The following CAMTA1 variants were observed in gnomAD, a reference collection of about 807,000 sequenced individuals.
CAMTA1 encodes calmodulin binding transcription activator 1.
CAMTA1 carries 27 observed loss-of-function variants against 170.9 expected under a neutral mutation model. The ratio of observed to expected loss-of-function variants is 0.16; its 90% CI spans 0.12 to 0.22. CAMTA1 has a LOEUF of 0.22. CAMTA1 is among the 10% of genes least tolerant of loss of function. CAMTA1 has a pLI of 1.00. For missense variants in CAMTA1, 1,619 were observed against 2,217.2 expected, an observed-to-expected ratio of 0.73 and a Z score of 5.42; for synonymous variants, 833 against 891.5, an observed-to-expected ratio of 0.93 and a Z score of 1.17.
chr1:7,008,176 T>C (rs767923879), intron 3 of CAMTA1, among the ~76,000 whole-genome samples: 1 of 152,104 alleles, frequency 6.6e-6, no homozygotes, highest in Non-Finnish European at 1.5e-5. Context: ...TCAGGTGGAC[T>C]CAGAGGAGGT....
At chr1:7,025,387 G>T (rs1350621758) in intron 3 of CAMTA1, among the ~76,000 whole-genome samples, 3 of 152,340 alleles carry the variant, frequency 2.0e-5, no homozygotes, top group African/African-American at 7.2e-5. Flanking sequence ...AATGGCTGGG[G>T]TTTCTCAGAT....
chr1:7,031,743 G>GT (rs1553224296), intron 3 of CAMTA1, among the ~76,000 whole-genome samples: 2 of 151,848 alleles, frequency 1.3e-5, no homozygotes, highest in Non-Finnish European at 2.9e-5. Flanking sequence ...GGGTTTCACT[G>GT]TGTTAGCCAG....
chr1:7,070,441 A>G (rs1638485933), intron 3 of CAMTA1, among the ~76,000 whole-genome samples: 1 of 152,180 alleles, frequency 6.6e-6, no homozygotes, highest in African/African-American at 2.4e-5. Flanking sequence ...TGGGCGTGAT[A>G]CTGGTGGTCG....
Position 7,552,118 on chromosome 1 carries a change from C to G in CAMTA1, c.510+84217C>G, listed in dbSNP as rs529605416. 2.0e-5 allele frequency among the ~76,000 whole-genome samples: 3 copies of G among 152,290 alleles called. 1 individual carries two copies. Among genetic ancestry groups the G allele is most frequent in the South Asian group, 4.1e-4 (2 of 4,828 alleles). On this transcript the variant is annotated intron_variant, in intron 6 of 22. Coordinates refer to ENST00000303635, the MANE Select transcript of CAMTA1 (RefSeq NM_015215.4). ...AACCCCAGTCTGACCCCAAGGGGCA[C>G]CAGCCTCCTCCTTTGACAGAGCAAG...
intron 1 of CAMTA1, among the ~76,000 whole-genome samples, chr1:6,804,668 T>C (rs1644303401): frequency 6.6e-6 from 1 of 152,208 alleles, no homozygotes; most frequent in South Asian, 2.1e-4. Flanking sequence ...GGTTTTTATC[T>C]ATGTTGTATG....
intron 4 of CAMTA1, among the ~76,000 whole-genome samples, chr1:7,170,621 A>G (rs544272318): frequency 4.1e-4 from 63 of 152,264 alleles, no homozygotes; most frequent in African/African-American, 1.4e-3. Context: ...AGCTTCATCC[A>G]TGTCCCTGGA....
chr1:7,026,326 C>T (rs936731780), intron 3 of CAMTA1, among the ~76,000 whole-genome samples: 4 of 151,976 alleles, frequency 2.6e-5, no homozygotes, highest in Non-Finnish European at 5.9e-5. Flanking sequence ...ATTCTGACTT[C>T]ATCATGATAT....
chr1:7,076,334 CATT>C (rs1639301865), intron 3 of CAMTA1, among the ~76,000 whole-genome samples: 2 of 152,228 alleles, frequency 1.3e-5, no homozygotes, highest in East Asian at 3.8e-4. Context: ...ATGGCTTTGA[CATT>C]ATTGCATCGC....
At chr1:7,449,482 G>A (rs1399501440) in intron 5 of CAMTA1, among the ~76,000 whole-genome samples, 1 of 152,144 alleles carries the variant, frequency 6.6e-6, no homozygotes, top group Admixed American at 6.6e-5. Flanking sequence ...TAGAAGATAG[G>A]AATGAGGGCC....
chr1:7,491,475 C>T (rs1450806944), intron 6 of CAMTA1, among the ~76,000 whole-genome samples: 3 of 152,180 alleles, frequency 2.0e-5, no homozygotes, highest in Admixed American at 1.3e-4. Flanking sequence ...GAATGTTCTG[C>T]GTGTACTGCC....
chr1:6,830,292 C>T (rs1227475587), intron 3 of CAMTA1, among the ~76,000 whole-genome samples: 1 of 151,182 alleles, frequency 6.6e-6, no homozygotes, highest in Middle Eastern at 3.2e-3. Context: ...GATCCGCCCG[C>T]CTTGGTGTCC....
intron 6 of CAMTA1, among the ~76,000 whole-genome samples, chr1:7,501,344 C>T (rs1405436564): frequency 1.3e-5 from 2 of 152,182 alleles, no homozygotes; most frequent in African/African-American, 4.8e-5. Context: ...TGAGAACGGC[C>T]TTTGTTCCCG....
intron 11 of CAMTA1, among the ~76,000 whole-genome samples, chr1:7,704,637 C>G (rs1195026055): frequency 6.7e-6 from 1 of 148,902 alleles, no homozygotes; most frequent in Non-Finnish European, 1.5e-5. Context: ...CCGATTGGAC[C>G]ACGCGGCCTG....
At position 7,734,655 on chromosome 1, in the gene CAMTA1, G is replaced by A. The variant is rs567461073; in HGVS notation, c.3067-1689G>A. On this transcript the variant is annotated intron_variant, in intron 12 of 22. Coordinates refer to ENST00000303635, the MANE Select transcript of CAMTA1 (RefSeq NM_015215.4). ...GCCTTTTGAGTCAAGGTCAGTTTGCGGCATGTTGGGATCACCTAACTCTGC... is the reference window on the plus strand; with the variant it reads ...GCCTTTTGAGTCAAGGTCAGTTTGCAGCATGTTGGGATCACCTAACTCTGC... 3.9e-5 allele frequency among the ~76,000 whole-genome samples: 6 copies of A among 152,244 alleles called. No homozygotes were observed. In the East Asian group the frequency reaches 9.6e-4, roughly 24 times the overall value.
At chr1:7,126,926 A>G (rs898693707) in intron 4 of CAMTA1, among the ~76,000 whole-genome samples, 10 of 152,088 alleles carry the variant, frequency 6.6e-5, no homozygotes, top group Non-Finnish European at 2.9e-5. Flanking sequence ...GCCCGCCACC[A>G]TGCCCAGCTA....
chr1:7,600,681 A>G (rs1173115445), intron 6 of CAMTA1, among the ~76,000 whole-genome samples: 1 of 151,170 alleles, frequency 6.6e-6, no homozygotes, highest in Non-Finnish European at 1.5e-5. Context: ...AGTGGTGATG[A>G]CTCTTAACAA....
intron 3 of CAMTA1, among the ~76,000 whole-genome samples, chr1:6,940,975 T>C (rs1310511830): frequency 5.5e-4 from 1 of 1,806 alleles, no homozygotes; most frequent in Non-Finnish European, 1.2e-3. Context: ...GGTGGGGGGA[T>C]CCTTGCAGGC....
At position 7,010,170 on chromosome 1, in the gene CAMTA1, C is replaced by T. The variant is rs761317464; in HGVS notation, c.235-81134C>T. Among the ~76,000 whole-genome samples, 15 of 152,172 alleles carry T rather than the reference C, an allele frequency of 9.9e-5. No homozygotes were observed. The highest frequency in any genetic ancestry group is 1.8e-4 in the Non-Finnish European group (12 of 68,020). On this transcript the variant is annotated intron_variant, in intron 3 of 22. Transcript: ENST00000303635. The surrounding 1 kb of genome is among the most constrained non-coding windows in gnomAD (Gnocchi z 4.4). The stretch of plus-strand genomic sequence containing the variant: ...AACCATGGCCTGCAGGACACTGCTG[C>T]GAGGAGGGCTTCCTGGAGCTTGGGG...
chr1:6,989,938 G>C (rs1002076783), intron 3 of CAMTA1, among the ~76,000 whole-genome samples: 3 of 152,190 alleles, frequency 2.0e-5, no homozygotes, highest in African/African-American at 7.2e-5. Context: ...GAATGGGGGA[G>C]TGGGGCAGCA....
Sources: allele counts gnomAD v4.1 joint callset (sites outside exome capture counted in the v4.1 genomes callset), GRCh38; gene constraint gnomAD v4.1.1; non-coding constraint Gnocchi (gnomAD v3.1); transcripts MANE v1.5; gene names NCBI Gene and HGNC (gene_info 2026-07-23, HGNC 2026-07-21).